The following HS2ST1 variants were observed in gnomAD, a reference collection of about 807,000 sequenced individuals.
HS2ST1 encodes heparan sulfate 2-O-sulfotransferase 1, also known as 2-O-sulfotransferase.
Under a neutral mutation model 42.9 loss-of-function variants are expected in HS2ST1, and 18 were observed. The observed-to-expected ratio is 0.42, with a 90% confidence interval of 0.29 to 0.62. The LOEUF (loss-of-function observed/expected upper bound fraction) is 0.62. Ranked by LOEUF, HS2ST1 falls within the 20% of genes least tolerant of loss-of-function variation. HS2ST1 has a pLI of 0.21. For missense variants in HS2ST1, 334 were observed against 433.8 expected (o/e 0.77, Z 2.04); for synonymous variants, 146 against 152.9 (o/e 0.95, Z 0.33).
chr1:86,957,633 A>G (rs1384445299), intron 1 of HS2ST1, among the ~76,000 whole-genome samples: 1 of 152,206 alleles, frequency 6.6e-6, no homozygotes, highest in African/African-American at 2.4e-5. Flanking sequence ...ATTTATTCAT[A>G]GCTACATGAC....
Position 87,091,539 on chromosome 1 carries a change from A to G in HS2ST1, c.450-992A>G, listed in dbSNP as rs56267610. On this transcript the variant is annotated intron_variant, in intron 3 of 6. Coordinates refer to ENST00000370550, the MANE Select transcript of HS2ST1 (RefSeq NM_012262.4). ...TTAGGAACATCCTTTGAGAATTGGT[A>G]TGGAAGATAGATTGAAAGGGAGAGA... Among the ~76,000 whole-genome samples the G allele has an allele frequency of 4.4e-3, 666 of 152,118 alleles. 4 individuals carry two copies. Among genetic ancestry groups the G allele is most frequent in the African/African-American group, 0.015 (642 of 41,554 alleles).
At position 86,914,896 on chromosome 1, in the gene HS2ST1, G is replaced by T; in HGVS notation, c.-141G>T. On this transcript the variant is annotated 5_prime_UTR_variant, in exon 1 of 7. Transcript: ENST00000370550. ...AGGGGGACTGGAGAGGCGAGAAGGGGGGTCGCTGCGGTGGTTCTCTCGCTG... is the reference window on the plus strand; with the variant it reads ...AGGGGGACTGGAGAGGCGAGAAGGGTGGTCGCTGCGGTGGTTCTCTCGCTG... 1 of 970,654 alleles carries T rather than the reference G, an allele frequency of 1.0e-6. No homozygotes were observed. The highest frequency in any genetic ancestry group is 1.5e-6 in the Non-Finnish European group (1 of 651,008). The allele number at this position is 970,654 out of a possible 1,614,324, so 60.1% of individuals were successfully genotyped here.
At chr1:86,991,714 T>C (rs1648957013) in intron 1 of HS2ST1, among the ~76,000 whole-genome samples, 1 of 152,188 alleles carries the variant, frequency 6.6e-6, no homozygotes, top group Non-Finnish European at 1.5e-5. Flanking sequence ...AAGGCTCTGT[T>C]TTCTCATCTG....
intron 1 of HS2ST1, among the ~76,000 whole-genome samples, chr1:87,051,668 T>C (rs1650835981): frequency 1.3e-5 from 2 of 152,204 alleles, no homozygotes; most frequent in African/African-American, 4.8e-5. Flanking sequence ...TGTCGATTGA[T>C]AACAACTGTC....
intron 1 of HS2ST1, among the ~76,000 whole-genome samples, chr1:87,053,711 A>T (rs2100616215): frequency 6.6e-6 from 1 of 152,302 alleles, no homozygotes; most frequent in Admixed American, 6.5e-5. Flanking sequence ...GCTGCAGTAT[A>T]CTTTGAGTAT....
At chr1:86,993,706 G>A (rs1335736340) in intron 1 of HS2ST1, among the ~76,000 whole-genome samples, 3 of 152,156 alleles carry the variant, frequency 2.0e-5, no homozygotes, top group Non-Finnish European at 4.4e-5. Flanking sequence ...GTTTATTAAA[G>A]TGTGCTGTAC....
chr1:87,019,650 A>G (rs1406564190), intron 1 of HS2ST1, among the ~76,000 whole-genome samples: 4 of 152,222 alleles, frequency 2.6e-5, no homozygotes, highest in Non-Finnish European at 5.9e-5. Flanking sequence ...TATGACAGGA[A>G]ATCTGTAGCT....
chr1:87,062,165 T>C (rs1008070245), intron 1 of HS2ST1, among the ~76,000 whole-genome samples: 1 of 152,158 alleles, frequency 6.6e-6, no homozygotes, highest in Non-Finnish European at 1.5e-5. Flanking sequence ...GTCCCACAAA[T>C]TTTGATTTGC....
chr1:87,101,648 T>C (rs187252066), intron 5 of HS2ST1, among the ~76,000 whole-genome samples: 1 of 152,302 alleles, frequency 6.6e-6, no homozygotes, highest in East Asian at 1.9e-4. Context: ...TTTATCACAA[T>C]CATTAAACCA....
At chr1:86,968,736 C>T (rs894955207) in intron 1 of HS2ST1, among the ~76,000 whole-genome samples, 3 of 151,942 alleles carry the variant, frequency 2.0e-5, no homozygotes, top group African/African-American at 7.3e-5. Context: ...TTCTAACTTT[C>T]TCTATTATTG....
In HS2ST1 at chr1:87,055,515, T is replaced by C. The variant is rs181886726; in HGVS notation, c.125-17419T>C. ...TGTCTTCAGGCCATTGATACTCAAC[T>C]GTAAGCGTTATCACTCTATAAAATC... On this transcript the variant is annotated intron_variant, in intron 1 of 6. Transcript: ENST00000370550. Among the ~76,000 whole-genome samples the C allele has an allele frequency of 9.2e-5, 14 of 152,316 alleles. No homozygotes were observed. In the East Asian group the frequency reaches 2.5e-3, roughly 27 times the overall value.
intron 1 of HS2ST1, among the ~76,000 whole-genome samples, chr1:87,049,786 T>C (rs1650787141): frequency 6.6e-6 from 1 of 152,068 alleles, no homozygotes; most frequent in South Asian, 2.1e-4. Flanking sequence ...TAGTTGATGA[T>C]ATTGTTCAAA....
At chr1:86,939,566 T>G (rs61800758) in intron 1 of HS2ST1, among the ~76,000 whole-genome samples, 36,229 of 152,078 alleles carry the variant, frequency 0.24, 5,077 homozygotes, top group African/African-American at 0.38. Flanking sequence ...CTTGGCTACA[T>G]GTAGGAATCA....
At chr1:87,071,165 A>G (rs1557535831) in intron 1 of HS2ST1, among the ~76,000 whole-genome samples, 1 of 152,194 alleles carries the variant, frequency 6.6e-6, no homozygotes, top group Non-Finnish European at 1.5e-5. Context: ...CAGGCCTGGA[A>G]TTTTTAATTC....
chr1:87,049,542 T>G (rs934296563), intron 1 of HS2ST1, among the ~76,000 whole-genome samples: 1 of 152,184 alleles, frequency 6.6e-6, no homozygotes, highest in South Asian at 2.1e-4. Context: ...TTACTTGAAG[T>G]GTGTTATTTA....
intron 1 of HS2ST1, among the ~76,000 whole-genome samples, chr1:86,968,004 G>A (rs1362064838): frequency 6.6e-6 from 1 of 152,194 alleles, no homozygotes; most frequent in African/African-American, 2.4e-5. Context: ...GGAATAAGGT[G>A]ATATCTCATT....
chr1:86,999,908 T>C (rs1649230082), intron 1 of HS2ST1, among the ~76,000 whole-genome samples: 1 of 152,188 alleles, frequency 6.6e-6, no homozygotes, highest in Non-Finnish European at 1.5e-5. Context: ...GACAATAAAA[T>C]ATGTTCTTGG....
intron 1 of HS2ST1, among the ~76,000 whole-genome samples, chr1:86,931,628 T>C (rs1000732397): frequency 3.9e-5 from 6 of 152,076 alleles, no homozygotes; most frequent in African/African-American, 1.4e-4. Context: ...AGTTAGGATT[T>C]TGTGCCGTAC....
At chr1:87,019,920 A>G (rs540026185) in intron 1 of HS2ST1, among the ~76,000 whole-genome samples, 8 of 152,334 alleles carry the variant, frequency 5.3e-5, no homozygotes, top group Non-Finnish European at 1.2e-4. Context: ...TCTGACTCCC[A>G]TAGAAATCTA....
Sources: allele counts gnomAD v4.1 joint callset (sites outside exome capture counted in the v4.1 genomes callset), GRCh38; gene constraint gnomAD v4.1.1; transcripts MANE v1.5; gene names NCBI Gene and HGNC (gene_info 2026-07-23, HGNC 2026-07-21).